PRKG1: variants seen among roughly 807,000 people sequenced by gnomAD.
PRKG1 encodes protein kinase cGMP-dependent 1.
A neutral mutation model predicts 88.1 loss-of-function variants in PRKG1; 35 were observed. The ratio of observed to expected loss-of-function variants is 0.40; its 90% CI spans 0.30 to 0.53. The LOEUF (loss-of-function observed/expected upper bound fraction) is 0.53. PRKG1 is among the 20% of genes least tolerant of loss of function. PRKG1 has a pLI of 0.59. For missense variants in PRKG1, 540 were observed against 839.8 expected (o/e 0.64, Z 4.41); for synonymous variants, 303 against 292.5 (o/e 1.04, Z -0.37).
rs535953376 is a variant in PRKG1, at chr10:52,168,385, C to T, written c.1076+6422C>T. 2.0e-5 allele frequency among the ~76,000 whole-genome samples: 3 copies of T among 152,192 alleles called. No individual in the cohort carries two copies. In the South Asian group the frequency reaches 6.2e-4, roughly 32 times the overall value. ...ACATAGAGGAACAGCATGGAAAAAG[C>T]CCTCAAAGTGGGAAGCAACATTATA... On this transcript the variant is annotated intron_variant, in intron 9 of 17. Transcript: ENST00000373980.
chr10:51,660,535 C>T (rs897610728), intron 3 of PRKG1, among the ~76,000 whole-genome samples: 11 of 152,168 alleles, frequency 7.2e-5, no homozygotes, highest in African/African-American at 2.6e-4. Flanking sequence ...TATTTTTCAA[C>T]CTAATTACGA....
intron 5 of PRKG1, among the ~76,000 whole-genome samples, chr10:51,992,425 G>T (rs1011991481): frequency 6.6e-5 from 10 of 152,106 alleles, no homozygotes; most frequent in African/African-American, 2.4e-4. Context: ...AAGAGGGAGG[G>T]ATTATTTTAT....
intron 1 of PRKG1, among the ~76,000 whole-genome samples, chr10:51,114,796 G>T (rs148177163): frequency 9.4e-4 from 143 of 152,212 alleles, no homozygotes; most frequent in Middle Eastern, 3.4e-3. Flanking sequence ...CTAAAACATT[G>T]TATAGGTTTC....
At chr10:52,070,012 T>C (rs888116733) in intron 7 of PRKG1, among the ~76,000 whole-genome samples, 2 of 152,176 alleles carry the variant, frequency 1.3e-5, no homozygotes, top group Non-Finnish European at 2.9e-5. Context: ...TCTATTCCTC[T>C]CTTGAATAAT....
intron 5 of PRKG1, among the ~76,000 whole-genome samples, chr10:51,944,972 T>C (rs1157177521): frequency 1.3e-4 from 20 of 151,114 alleles, no homozygotes; most frequent in South Asian, 4.2e-4. Context: ...CTATTAGGTC[T>C]GCTTGGTGCA....
Position 51,819,801 on chromosome 10 carries a change from G to A in PRKG1, c.698+15111G>A, listed in dbSNP as rs143392983. Among the ~76,000 whole-genome samples, 411 of 152,266 alleles carry A rather than the reference G, an allele frequency of 2.7e-3. 2 individuals carry two copies. Among genetic ancestry groups the A allele is most frequent in the Non-Finnish European group, 4.5e-3 (303 of 68,020 alleles). On this transcript the variant is annotated intron_variant, in intron 4 of 17. Transcript: ENST00000373980. ...TTTCATGAAGCTGAGGGTCTATGCT[G>A]AAGACAGTGAATTAGAGAGTGAATC...
intron 1 of PRKG1, among the ~76,000 whole-genome samples, chr10:51,135,784 A>G (rs2131944836): frequency 6.6e-6 from 1 of 152,202 alleles, no homozygotes; most frequent in African/African-American, 2.4e-5. Flanking sequence ...AGTTCGCTAG[A>G]ATGTTTTTAA....
intron 5 of PRKG1, among the ~76,000 whole-genome samples, chr10:52,040,832 C>CTTTTTTTTTT (rs11312625): frequency 5.9e-5 from 5 of 85,254 alleles, no homozygotes; most frequent in Non-Finnish European, 8.4e-5. Flanking sequence ...AATGGCTTTT[C>CTTTTTTTTTT]TTTTTTTTTT....
At chr10:51,591,188 C>T (rs910867874) in intron 3 of PRKG1, among the ~76,000 whole-genome samples, 1 of 151,994 alleles carries the variant, frequency 6.6e-6, no homozygotes, top group Admixed American at 6.6e-5. Context: ...CACATACACG[C>T]ATGCATACAC....
chr10:51,591,969 TA>T (rs1449768621), intron 3 of PRKG1, among the ~76,000 whole-genome samples: 1 of 152,076 alleles, frequency 6.6e-6, no homozygotes, highest in African/African-American at 2.4e-5. Context: ...TTCCCCCTGT[TA>T]GGGGGGAAAA....
At chr10:51,163,964 G>T (rs1409427044) in intron 2 of PRKG1, among the ~76,000 whole-genome samples, 1 of 152,200 alleles carries the variant, frequency 6.6e-6, no homozygotes, top group Non-Finnish European at 1.5e-5. Context: ...ACTTCTGGGG[G>T]CAGGGCACAG....
chr10:52,215,349 A>G (rs560823321), intron 9 of PRKG1, among the ~76,000 whole-genome samples: 14 of 151,570 alleles, frequency 9.2e-5, no homozygotes, highest in Admixed American at 5.3e-4. Context: ...AGTCAAGATC[A>G]GGCCATTGCA....
chr10:51,572,975 G>T (rs1837795265), intron 3 of PRKG1, among the ~76,000 whole-genome samples: 1 of 151,766 alleles, frequency 6.6e-6, no homozygotes, highest in Admixed American at 6.6e-5. Flanking sequence ...TGTCAGACTC[G>T]AGAATTGTTA....
chr10:51,770,439 C>T (rs1838274838), intron 3 of PRKG1, among the ~76,000 whole-genome samples: 1 of 152,186 alleles, frequency 6.6e-6, no homozygotes, highest in African/African-American at 2.4e-5. Context: ...GAAAGCTTAG[C>T]ACTAGGTTCT....
intron 3 of PRKG1, among the ~76,000 whole-genome samples, chr10:51,645,545 T>C (rs1839896622): frequency 6.6e-6 from 1 of 152,202 alleles, no homozygotes; most frequent in Admixed American, 6.5e-5. Flanking sequence ...TTAGTCACCA[T>C]TTTTCTAATT....
At chr10:51,092,711 TC>T (rs1452490377) in intron 1 of PRKG1, among the ~76,000 whole-genome samples, 6 of 149,776 alleles carry the variant, frequency 4.0e-5, no homozygotes, top group Admixed American at 6.6e-5. Context: ...AAATGAAGTT[TC>T]AGTGTGAGAG....
intron 10 of PRKG1, among the ~76,000 whole-genome samples, chr10:52,259,727 T>C (rs1393924314): frequency 2.0e-5 from 3 of 152,052 alleles, no homozygotes; most frequent in Admixed American, 2.0e-4. Flanking sequence ...GAAGTTCAAA[T>C]AAATAAGTTA....
chr10:51,835,853 A>G (rs866410260), intron 4 of PRKG1, among the ~76,000 whole-genome samples: 1 of 152,306 alleles, frequency 6.6e-6, no homozygotes. Context: ...CATTCCTGCC[A>G]ACAGTATACA....
chr10:51,164,796 C>A (rs1023340562), intron 2 of PRKG1, among the ~76,000 whole-genome samples: 1 of 151,836 alleles, frequency 6.6e-6, no homozygotes, highest in Non-Finnish European at 1.5e-5. Context: ...GAAAGGGTAT[C>A]AGTGATGGAA....
Sources: gnomAD v4.1 joint callset for allele counts (sites outside exome capture counted in the v4.1 genomes callset) on GRCh38, gnomAD v4.1.1 for gene constraint, MANE v1.5 for transcripts, NCBI Gene and HGNC (gene_info 2026-07-23, HGNC 2026-07-21) for gene names.